The following DHRS3 variants were observed in gnomAD, a reference collection of about 807,000 sequenced individuals.
DHRS3 encodes the protein dehydrogenase/reductase 3, also known as short-chain dehydrogenase/reductase 3.
In DHRS3, 14 loss-of-function variants were observed where a neutral mutation model predicts 27.2. The observed-to-expected ratio is 0.52, with a 90% CI of 0.34 to 0.81. The LOEUF (loss-of-function observed/expected upper bound fraction) is 0.81. Among genes scored for constraint, DHRS3 ranks in the 30% least tolerant of loss-of-function variants. The pLI is 0.01. For missense variants in DHRS3, 322 were observed against 406.2 expected, an observed-to-expected ratio of 0.79 and a Z score of 1.78; for synonymous variants, 165 against 175.9, an observed-to-expected ratio of 0.94 and a Z score of 0.49.
In DHRS3 at chr1:12,596,913, C is replaced by G. The variant is rs1299413818; in HGVS notation, c.196-16247G>C. ...TGCCCTTCTCCTCACCCACTGCCCC[C>G]CCAAACTGAGCCTCTGGGTTTATTG... On this transcript the variant is annotated intron_variant, in intron 1 of 5. Coordinates refer to ENST00000616661, the MANE Select transcript of DHRS3 (RefSeq NM_004753.7). 2.0e-5 allele frequency among the ~76,000 whole-genome samples: 3 copies of G among 152,150 alleles called. No individual in the cohort carries two copies. The East Asian group carries it at 5.8e-4, about 29-fold the overall frequency.
At position 12,594,410 on chromosome 1, in the gene DHRS3, G is replaced by A. The variant is rs1646771592; in HGVS notation, c.196-13744C>T. On this transcript the variant is annotated intron_variant, in intron 1 of 5. Coordinates refer to ENST00000616661, the MANE Select transcript of DHRS3 (RefSeq NM_004753.7). This position sits in a 1 kb window ranked among gnomAD's most constrained non-coding sequence, Gnocchi z 4.1. ...GTGTAAGTCCGGGGACAATGAGCATGAACACTTGTTCACGTGAACGAATGA... is the reference window on the plus strand; with the variant it reads ...GTGTAAGTCCGGGGACAATGAGCATAAACACTTGTTCACGTGAACGAATGA... Among the ~76,000 whole-genome samples the A allele has an allele frequency of 6.6e-6, 1 of 152,178 alleles. No homozygotes were observed. Among genetic ancestry groups the A allele is most frequent in the Non-Finnish European group, 1.5e-5 (1 of 68,044 alleles).
chr1:12,585,226 T>TGTGTCTCTGTGTGTGTGC (rs1646685046), intron 1 of DHRS3, among the ~76,000 whole-genome samples: 1 of 151,440 alleles, frequency 6.6e-6, no homozygotes, highest in Non-Finnish European at 1.5e-5. Flanking sequence ...TGTGTGTGTG[T>TGTGTCTCTGTGTGTGTGC]GTCTATGTGA....
rs563181421 is a variant in DHRS3, at chr1:12,593,916, C to T, written c.196-13250G>A. 2.6e-5 allele frequency among the ~76,000 whole-genome samples: 4 copies of T among 152,236 alleles called. No individual in the cohort carries two copies. Among genetic ancestry groups the T allele is most frequent in the Admixed American group, 2.6e-4 (4 of 15,288 alleles). ...TCTTTTCACAAACATCCCCAGCCTA[C>T]AAGACTGGCCAGGGGCTCCACCTCC... On this transcript the variant is annotated intron_variant, in intron 1 of 5. Coordinates refer to ENST00000616661, the MANE Select transcript of DHRS3 (RefSeq NM_004753.7). This position sits in a 1 kb window ranked among gnomAD's most constrained non-coding sequence, Gnocchi z 4.6.
Position 12,608,337 on chromosome 1 carries a change from C to T in DHRS3, c.195+8817G>A, listed in dbSNP as rs1436498674. ...ACTAGGAACGCAAGGAAGCCATCAGCATCCAGTTCAGAAGCCACAGGAATC... is the reference window on the plus strand; with the variant it reads ...ACTAGGAACGCAAGGAAGCCATCAGTATCCAGTTCAGAAGCCACAGGAATC... On this transcript the variant is annotated intron_variant, in intron 1 of 5. Transcript: ENST00000616661. The surrounding 1 kb of genome is among the most constrained non-coding windows in gnomAD (Gnocchi z 4.1). Among the ~76,000 whole-genome samples, 4 of 152,276 alleles carry T rather than the reference C, an allele frequency of 2.6e-5. No homozygotes were observed. The highest frequency in any genetic ancestry group is 1.9e-4 in the East Asian group (1 of 5,184).
intron 1 of DHRS3, among the ~76,000 whole-genome samples, chr1:12,590,957 C>T (rs1016644297): frequency 2.0e-5 from 3 of 152,190 alleles, no homozygotes; most frequent in African/African-American, 7.2e-5. Flanking sequence ...CCAGACTCTA[C>T]ACAATCCAGT....
At chr1:12,595,626 G>C (rs1646789677) in intron 1 of DHRS3, among the ~76,000 whole-genome samples, 1 of 151,338 alleles carries the variant, frequency 6.6e-6, no homozygotes, top group Non-Finnish European at 1.5e-5. Context: ...CCCGGGAGCA[G>C]ATAGGGAGGG....
Position 12,608,561 on chromosome 1 carries a change from C to CCCCCTG in DHRS3, c.195+8587_195+8592dup, listed in dbSNP as rs1253733216. The stretch of plus-strand genomic sequence containing the variant: ...ATGCTGGTGTCCTCTTTTCCTCCTG[C>CCCCCTG]CCCCTGCCCCTGCCCCTGCCTGTGT... On this transcript the variant is annotated intron_variant, in intron 1 of 5. Coordinates refer to ENST00000616661, the MANE Select transcript of DHRS3 (RefSeq NM_004753.7). This position sits in a 1 kb window ranked among gnomAD's most constrained non-coding sequence, Gnocchi z 4.1. Among the ~76,000 whole-genome samples, 1 of 152,142 alleles carries CCCCCTG rather than the reference C, an allele frequency of 6.6e-6. No individual in the cohort carries two copies. The highest frequency in any genetic ancestry group is 1.5e-5 in the Non-Finnish European group (1 of 68,028).
At chr1:12,573,137 C>T (rs1367947319) in intron 4 of DHRS3, among the ~76,000 whole-genome samples, 1 of 152,056 alleles carries the variant, frequency 6.6e-6, no homozygotes, top group Non-Finnish European at 1.5e-5. Flanking sequence ...AGGGCTTGGC[C>T]TTTCCATGGC....
intron 1 of DHRS3, among the ~76,000 whole-genome samples, chr1:12,607,432 G>T (rs1449283805): frequency 1.3e-5 from 2 of 152,178 alleles, no homozygotes; most frequent in Non-Finnish European, 2.9e-5. Flanking sequence ...GATAGTGAGG[G>T]AGCTCTCACG....
chr1:12,613,415 CT>C (rs1195696249), intron 1 of DHRS3, among the ~76,000 whole-genome samples: 1 of 152,216 alleles, frequency 6.6e-6, no homozygotes, highest in East Asian at 1.9e-4. Flanking sequence ...CTTTATTCAT[CT>C]TTGCTACATT....
chr1:12,601,396 C>A (rs145709440), intron 1 of DHRS3, among the ~76,000 whole-genome samples: 1 of 152,160 alleles, frequency 6.6e-6, no homozygotes, highest in East Asian at 1.9e-4. Flanking sequence ...TGAATGGGAG[C>A]TGGAAAGGTT....
intron 1 of DHRS3, among the ~76,000 whole-genome samples, chr1:12,581,088 A>G (rs923412895): frequency 2.0e-5 from 3 of 152,146 alleles, no homozygotes; most frequent in Non-Finnish European, 4.4e-5. Context: ...TCGGCCTCTC[A>G]AGTGCTGGGA....
chr1:12,580,436 T>C, intron 2 of DHRS3, 87 bp downstream of exon 2: 1 of 1,593,254 alleles, frequency 6.3e-7, no homozygotes, highest in South Asian at 1.1e-5. Flanking sequence ...AGCAGAGCTC[T>C]CTTCCAGGCC....
chr1:12,594,687 C>T lies in DHRS3; in HGVS notation c.196-14021G>A, dbSNP rs1646773657. The stretch of plus-strand genomic sequence containing the variant: ...GGAGGGAACAGTTGGTGCAAAGGCC[C>T]TGGGGTGGGAATGAGCTTCCCCAGC... On this transcript the variant is annotated intron_variant, in intron 1 of 5. Transcript: ENST00000616661. The surrounding 1 kb of genome is among the most constrained non-coding windows in gnomAD (Gnocchi z 4.1). Among the ~76,000 whole-genome samples the T allele has an allele frequency of 6.6e-6, 1 of 152,048 alleles. No individual in the cohort carries two copies. Among genetic ancestry groups the T allele is most frequent in the Non-Finnish European group, 1.5e-5 (1 of 68,008 alleles).
In DHRS3 at chr1:12,578,747, G is replaced by A. The variant is rs777666963; in HGVS notation, c.669C>T (p.Ser223=). The A allele has an allele frequency of 1.9e-6, 3 of 1,614,088 alleles. No individual in the cohort carries two copies. The highest frequency in any genetic ancestry group is 2.2e-5 in the South Asian group (2 of 91,078). Reference sequence around the variant, plus strand: ...CTCTCATGCCCTGGAACATCTCGGTGCTGGTGTGGAAGGGCAGCACTGTGG... The same window carrying A: ...CTCTCATGCCCTGGAACATCTCGGTACTGGTGTGGAAGGGCAGCACTGTGG... The part of the protein sequence containing the change: ...SATTVLPFHT[S]TEMFQGMRVR... Residue 223 remains serine (S), a synonymous_variant, in exon 4 of 6, where the codon AGC becomes AGT. Transcript: ENST00000616661. The surrounding 1 kb of genome is among the most constrained non-coding windows in gnomAD (Gnocchi z 4.5).
At chr1:12,570,239 TCTC>T (rs1438053623) in intron 5 of DHRS3, among the ~76,000 whole-genome samples, 3 of 152,148 alleles carry the variant, frequency 2.0e-5, no homozygotes, top group Admixed American at 6.5e-5. Flanking sequence ...CCTTCAGGCT[TCTC>T]CTCGTACAAC....
At chr1:12,571,813 C>T (rs1171991908) in intron 5 of DHRS3, among the ~76,000 whole-genome samples, 4 of 152,110 alleles carry the variant, frequency 2.6e-5, no homozygotes, top group Admixed American at 2.0e-4. Flanking sequence ...GGATTACAGG[C>T]GTGAGCCACC....
Position 12,585,333 on chromosome 1 carries a change from GTGTC to G in DHRS3, c.196-4671_196-4668del, listed in dbSNP as rs386628579. Among the ~76,000 whole-genome samples the G allele has an allele frequency of 2.0e-5, 3 of 151,666 alleles. No individual in the cohort carries two copies. The East Asian group carries it at 5.8e-4, about 30-fold the overall frequency. ...TCTGTGTGTCTCTATGTGTCTCTGTGTGTCTGTGTCTCTGTGTGAGTGTGTGTCT... is the reference window on the plus strand; with the variant it reads ...TCTGTGTGTCTCTATGTGTCTCTGTGTGTGTCTCTGTGTGAGTGTGTGTCT... On this transcript the variant is annotated intron_variant, in intron 1 of 5. Transcript: ENST00000616661.
chr1:12,601,024 C>T (rs1283456579), intron 1 of DHRS3, among the ~76,000 whole-genome samples: 1 of 151,994 alleles, frequency 6.6e-6, no homozygotes, highest in Non-Finnish European at 1.5e-5. Flanking sequence ...AGTAAATGAC[C>T]TGATAAGGTC....
Sources: allele counts gnomAD v4.1 joint callset (sites outside exome capture counted in the v4.1 genomes callset), GRCh38; gene constraint gnomAD v4.1.1; non-coding constraint Gnocchi (gnomAD v3.1); transcripts MANE v1.5; gene names NCBI Gene and HGNC (gene_info 2026-07-23, HGNC 2026-07-21).